Variants in UMAD1 observed in about 807,000 individuals in gnomAD.
UMAD1 encodes UBAP1-MVB12-associated (UMA) domain containing 1, also known as UBAP1-MVB12-associated (UMA)-domain containing protein 1.
UMAD1 carries 8 observed loss-of-function variants against 6.1 expected under a neutral mutation model. That is an observed-to-expected ratio of 1.30 (90% confidence interval 0.76 to 2.35). The LOEUF (loss-of-function observed/expected upper bound fraction) is 2.35. Ranked by LOEUF, UMAD1 falls within the 30% of genes most tolerant of loss-of-function variation. The pLI, the probability that UMAD1 is intolerant of heterozygous loss-of-function variation, is 0.00. For missense variants in UMAD1, 130 were observed against 78.4 expected (o/e 1.66, Z -2.49); for synonymous variants, 56 against 31.4 (o/e 1.78, Z -2.61).
At chr7:7,719,079 G>A (rs1382495113) in intron 2 of UMAD1, among the ~76,000 whole-genome samples, 1 of 134,148 alleles carries the variant, frequency 7.5e-6, no homozygotes, top group Non-Finnish European at 1.7e-5. Flanking sequence ...GTTAAAAAAA[G>A]CTTTAAGAAC....
intron 1 of UMAD1, among the ~76,000 whole-genome samples, chr7:7,649,435 A>G (rs886224264): frequency 6.6e-6 from 1 of 152,194 alleles, no homozygotes; most frequent in African/African-American, 2.4e-5. Context: ...TAACCTGGTT[A>G]CCTTTTATAG....
chr7:7,782,869 A>G (rs1782376006), intron 2 of UMAD1, among the ~76,000 whole-genome samples: 1 of 151,974 alleles, frequency 6.6e-6, no homozygotes, highest in Admixed American at 6.6e-5. Flanking sequence ...AGCTGGGACT[A>G]CAGATGCACG....
chr7:7,719,440 A>G (rs1780998149), intron 2 of UMAD1, among the ~76,000 whole-genome samples: 1 of 152,252 alleles, frequency 6.6e-6, no homozygotes, highest in South Asian at 2.1e-4. Flanking sequence ...GTGTAGTACA[A>G]TAAGCCAGCT....
intron 1 of UMAD1, among the ~76,000 whole-genome samples, chr7:7,661,282 A>T (rs1009758410): frequency 6.6e-6 from 1 of 151,808 alleles, no homozygotes; most frequent in Admixed American, 6.6e-5. Flanking sequence ...AGCTCAGAGG[A>T]GTTTGTTATT....
intron 2 of UMAD1, among the ~76,000 whole-genome samples, chr7:7,679,956 T>A (rs184353860): frequency 2.0e-5 from 3 of 151,962 alleles, no homozygotes. Flanking sequence ...GTCAGATGAG[T>A]AGTTTGCAAA....
At chr7:7,825,939 C>G (rs1442378453) in intron 3 of UMAD1, among the ~76,000 whole-genome samples, 1 of 152,088 alleles carries the variant, frequency 6.6e-6, no homozygotes, top group East Asian at 1.9e-4. Flanking sequence ...TTACACACAT[C>G]CTTTCCTATA....
chr7:7,750,594 A>G (rs1226761561), intron 2 of UMAD1, among the ~76,000 whole-genome samples: 1 of 152,204 alleles, frequency 6.6e-6, no homozygotes, highest in Non-Finnish European at 1.5e-5. Context: ...CACATATACA[A>G]CACTACTGTG....
chr7:7,794,722 A>G (rs760878262), intron 2 of UMAD1, among the ~76,000 whole-genome samples: 3 of 152,200 alleles, frequency 2.0e-5, no homozygotes, highest in Non-Finnish European at 4.4e-5. Flanking sequence ...ACCCTAGAAT[A>G]TATTTCCTTG....
intron 2 of UMAD1, among the ~76,000 whole-genome samples, chr7:7,729,517 G>A (rs1445429445): frequency 2.6e-5 from 4 of 152,126 alleles, no homozygotes; most frequent in Non-Finnish European, 5.9e-5. Context: ...GCCACTTCAG[G>A]CTATTTCTTT....
chr7:7,675,354 A>T (rs1218887753), intron 2 of UMAD1, among the ~76,000 whole-genome samples: 1 of 152,068 alleles, frequency 6.6e-6, no homozygotes, highest in African/African-American at 2.4e-5. Flanking sequence ...TCTGAGACAA[A>T]TTTTAACCAC....
intron 2 of UMAD1, among the ~76,000 whole-genome samples, chr7:7,677,326 C>G (rs1203775426): frequency 6.6e-6 from 1 of 152,060 alleles, no homozygotes; most frequent in Non-Finnish European, 1.5e-5. Flanking sequence ...TATTGTGCTA[C>G]CAAATACTAG....
intron 3 of UMAD1, among the ~76,000 whole-genome samples, chr7:7,837,137 C>T (rs762608509): frequency 6.6e-6 from 1 of 152,030 alleles, no homozygotes; most frequent in Non-Finnish European, 1.5e-5. Context: ...AGTAACAGCA[C>T]TGGATCCAAA....
chr7:7,850,899 G>C, intron 3 of UMAD1, among the ~76,000 whole-genome samples: 1 of 151,892 alleles, frequency 6.6e-6, no homozygotes, highest in Non-Finnish European at 1.5e-5. Context: ...ATTATAGATG[G>C]GTTGCAATAA....
chr7:7,650,611 A>G (rs1200157825), intron 1 of UMAD1, among the ~76,000 whole-genome samples: 1 of 152,186 alleles, frequency 6.6e-6, no homozygotes, highest in African/African-American at 2.4e-5. Context: ...TTAAATGATA[A>G]ATTTTATGTA....
At chr7:7,683,367 A>T (rs1018987022) in intron 2 of UMAD1, among the ~76,000 whole-genome samples, 3 of 152,176 alleles carry the variant, frequency 2.0e-5, no homozygotes, top group African/African-American at 7.2e-5. Flanking sequence ...ATGATTCTAG[A>T]GTTCATGCAA....
At chr7:7,802,858 CT>C (rs1172064976) in intron 3 of UMAD1, among the ~76,000 whole-genome samples, 2 of 152,104 alleles carry the variant, frequency 1.3e-5, no homozygotes, top group Non-Finnish European at 2.9e-5. Flanking sequence ...GACTAATATA[CT>C]TTTAAGAGAT....
intron 2 of UMAD1, among the ~76,000 whole-genome samples, chr7:7,784,567 G>C (rs571269544): frequency 1.3e-5 from 2 of 150,292 alleles, no homozygotes; most frequent in Admixed American, 1.3e-4. Context: ...GGATGGTCTC[G>C]ATCTTCTGAC....
intron 2 of UMAD1, among the ~76,000 whole-genome samples, chr7:7,700,634 T>G (rs1020207720): frequency 1.3e-5 from 2 of 152,156 alleles, no homozygotes; most frequent in Admixed American, 6.5e-5. Flanking sequence ...ACGCCTGTAA[T>G]CCTAGTACTT....
chr7:7,694,855 C>T (rs1024208895), intron 2 of UMAD1, among the ~76,000 whole-genome samples: 1 of 152,154 alleles, frequency 6.6e-6, no homozygotes, highest in African/African-American at 2.4e-5. Context: ...CATGTGAGTA[C>T]AGCTATATCT....
Sources: allele counts gnomAD v4.1 joint callset (sites outside exome capture counted in the v4.1 genomes callset), GRCh38; gene constraint gnomAD v4.1.1; transcripts MANE v1.5; gene names NCBI Gene and HGNC (gene_info 2026-07-23, HGNC 2026-07-21).